Variants in HAUS7 observed in about 807,000 individuals in gnomAD.
The protein encoded by HAUS7 is HAUS augmin-like complex subunit 7.
A neutral mutation model predicts 28.4 loss-of-function variants in HAUS7; 3 were observed. The ratio of observed to expected loss-of-function variants is 0.11; its 90% CI spans 0.05 to 0.27. The LOEUF is 0.27. HAUS7 is among the 10% of genes least tolerant of loss of function. The pLI is 1.00. For synonymous variants in HAUS7, 165 were observed against 132.1 expected (o/e 1.25, Z -1.71); for missense variants, 284 against 297.3 (o/e 0.96, Z 0.33).
chrX:153,455,579 A>G lies in HAUS7; in HGVS notation c.893T>C (p.Ile298Thr). The change falls in exon 8 of 10, where the codon ATC becomes ACC. Residue 298 changes from isoleucine (I) to threonine (T), a missense_variant. Physicochemically the swap from Ile to Thr is moderately conservative, Grantham distance 89. Transcript: ENST00000370211. Reference sequence around the variant, plus strand: ...AGTCAGATTCTGGTGCGTGGCCTGGATGATGGGGCCGCACGGGTGGAGGTC... The same window carrying G: ...AGTCAGATTCTGGTGCGTGGCCTGGGTGATGGGGCCGCACGGGTGGAGGTC... ...GPDLHPCGPI[I>T]QATHQNLTSY... is the part of the protein sequence containing the mutation. 5 of 1,208,505 alleles carry G rather than the reference A, an allele frequency of 4.1e-6. No individual in the cohort carries two copies. The highest frequency in any genetic ancestry group is 5.6e-6 in the Non-Finnish European group (5 of 892,826).
At chrX:153,457,006 A>G (rs2089321632) in intron 5 of HAUS7, 131 bp downstream of exon 5, 8 of 500,486 alleles carry the variant, frequency 1.6e-5, no homozygotes, top group Non-Finnish European at 2.4e-5. Flanking sequence ...TTGGCCAGCC[A>G]GATCCCCAAG....
intron 4 of HAUS7, among the ~76,000 whole-genome samples, chrX:153,460,069 C>G (rs1312070868): frequency 8.9e-6 from 1 of 112,606 alleles, no homozygotes; most frequent in African/African-American, 3.2e-5. Flanking sequence ...CAATGGAATT[C>G]TCCAATTCCT....
At chrX:153,488,150 C>T (rs979438175) in intron 1 of HAUS7, among the ~76,000 whole-genome samples, 2 of 113,136 alleles carry the variant, frequency 1.8e-5, no homozygotes, top group African/African-American at 6.4e-5. Context: ...CGCATGGCTC[C>T]GTCCCTGTCC....
chrX:153,450,697 C>A (rs1460903128), intron 9 of HAUS7, among the ~76,000 whole-genome samples: 1 of 112,747 alleles, frequency 8.9e-6, no homozygotes, highest in African/African-American at 3.2e-5. Flanking sequence ...GCCCTCCCAA[C>A]TCACATGAGG....
At chrX:153,480,276 G>A (rs1454787098) in intron 1 of HAUS7, among the ~76,000 whole-genome samples, 1 of 110,688 alleles carries the variant, frequency 9.0e-6, no homozygotes, top group African/African-American at 3.3e-5. Context: ...TCCAACCCCT[G>A]GGCCTAACCT....
At position 153,447,782 on chromosome X, in the gene HAUS7, T is replaced by C. The variant is rs782488488; in HGVS notation, c.*96A>G. 1 of 730,026 alleles carries C rather than the reference T, an allele frequency of 1.4e-6. No homozygotes were observed. Among genetic ancestry groups the C allele is most frequent in the Admixed American group, 2.2e-5 (1 of 45,466 alleles). The allele number at this position is 730,026 out of a possible 1,213,427, so 60.2% of individuals were successfully genotyped here. On this transcript the variant is annotated 3_prime_UTR_variant, in exon 10 of 10. Coordinates refer to ENST00000370211, the MANE Select transcript of HAUS7 (RefSeq NM_001385482.1). ...AACGTGGGGCTGCAACGGCTTCTGC[T>C]GCCACAATCATCCATCCTCGGCCAA...
intron 1 of HAUS7, among the ~76,000 whole-genome samples, chrX:153,480,092 G>A (rs1373801745): frequency 8.9e-6 from 1 of 112,029 alleles, no homozygotes; most frequent in Non-Finnish European, 1.9e-5. Flanking sequence ...TAGGAAGCAC[G>A]TGTGAAGTCC....
Position 153,457,171 on chromosome X carries a change from G to A in HAUS7, c.412C>T (p.Arg138Trp), listed in dbSNP as rs1490168215. Residue 138 changes from arginine (R) to tryptophan (W), a missense_variant, in exon 5 of 10, where the codon CGG becomes TGG. Physicochemically the swap from Arg to Trp is moderately radical, Grantham distance 101. Transcript: ENST00000370211. The part of the protein sequence containing the change: ...HFMDQLLDTI[R>W]SLTIGCSSCS... ...CTGGAGCACCCAATGGTCAGGCTCC[G>A]GATGGTATCGAGCAACTGGTCCATG... The A allele has an allele frequency of 1.7e-5, 20 of 1,202,674 alleles. No individual in the cohort carries two copies. Among genetic ancestry groups the A allele is most frequent in the Middle Eastern group, 2.3e-4 (1 of 4,337 alleles).
intron 1 of HAUS7, among the ~76,000 whole-genome samples, chrX:153,490,747 G>T (rs1282022705): frequency 1.8e-5 from 2 of 112,796 alleles, no homozygotes; most frequent in African/African-American, 6.4e-5. Flanking sequence ...GTCCCTGGAT[G>T]GGAATTTGCC....
chrX:153,470,477 C>T lies in HAUS7; in HGVS notation c.81G>A (p.Ala27=). ...EDEGDSSVSR[A]AVEVFGKLKD... Reference sequence around the variant, plus strand: ...TCAGCTTCCCGAACACCTCCACAGCCGCCCTGGACACGCTGCTGTCGCCCT... The same window carrying T: ...TCAGCTTCCCGAACACCTCCACAGCTGCCCTGGACACGCTGCTGTCGCCCT... The change falls in exon 1 of 10, where the codon GCG becomes GCA. Residue 27 remains alanine, a synonymous_variant. Transcript: ENST00000370211. 6.6e-6 allele frequency: 8 copies of T among 1,208,770 alleles called. No individual in the cohort carries two copies. Among genetic ancestry groups the T allele is most frequent in the Non-Finnish European group, 8.9e-6 (8 of 893,871 alleles).
intron 1 of HAUS7, among the ~76,000 whole-genome samples, chrX:153,489,059 G>A (rs781993071): frequency 1.8e-5 from 2 of 112,749 alleles, no homozygotes; most frequent in Admixed American, 9.3e-5. Flanking sequence ...GGCTGCAGCC[G>A]ACCCCACAGG....
chrX:153,488,990 G>A (rs1212423961), intron 1 of HAUS7, among the ~76,000 whole-genome samples: 1 of 112,632 alleles, frequency 8.9e-6, no homozygotes, highest in Non-Finnish European at 1.9e-5. Context: ...CAGGGGACTC[G>A]CACTTGGGAA....
At chrX:153,483,475 T>A in intron 1 of HAUS7, 1 of 754,692 alleles carries the variant, frequency 1.3e-6, no homozygotes, top group Non-Finnish European at 1.6e-6. Flanking sequence ...TTCGCCCCAA[T>A]GGGCATTCGG....
At chrX:153,464,858 T>C in intron 3 of HAUS7, 130 bp downstream of exon 3, 1 of 510,368 alleles carries the variant, frequency 2.0e-6, no homozygotes, top group South Asian at 3.0e-5. Flanking sequence ...AAGGGTGGGG[T>C]TCAAGAAGGC....
At chrX:153,471,024 C>A, upstream of HAUS7, 1 of 330,996 alleles carries the variant, frequency 3.0e-6, no homozygotes, top group Non-Finnish European at 5.9e-6. Context: ...CCTGGGCCAC[C>A]ACCACTAAGG....
At position 153,455,511 on chromosome X, in the gene HAUS7, C is replaced by T. The variant is rs782298923; in HGVS notation, c.930+31G>A. 1.2e-4 allele frequency: 110 copies of T among 928,340 alleles called. 1 individual carries two copies. Among genetic ancestry groups the T allele is most frequent in the East Asian group, 3.1e-5 (1 of 32,366 alleles). The allele number at this position is 928,340 out of a possible 1,213,427, so 76.5% of individuals were successfully genotyped here. Reference sequence around the variant, plus strand: ...CAGTCTGAGTGAACAGGGGAGGGGGCGGTTAGAGGGGAGGGGAAGGGCACC... The same window carrying T: ...CAGTCTGAGTGAACAGGGGAGGGGGTGGTTAGAGGGGAGGGGAAGGGCACC... On this transcript the variant is annotated intron_variant, in intron 8 of 9. Transcript: ENST00000370211.
chrX:153,480,394 G>C (rs1426107181), intron 1 of HAUS7, among the ~76,000 whole-genome samples: 3 of 111,445 alleles, frequency 2.7e-5, no homozygotes, highest in African/African-American at 9.8e-5. Context: ...ACTGGCCCCA[G>C]GGGCTGGTGG....
At chrX:153,479,086 C>T (rs1350925682) in intron 1 of HAUS7, among the ~76,000 whole-genome samples, 4 of 104,983 alleles carry the variant, frequency 3.8e-5, no homozygotes, top group Non-Finnish European at 7.8e-5. Context: ...TCGGGGGAGG[C>T]GTTTGCTCGA....
chrX:153,486,129 G>T, intron 1 of HAUS7: 1 of 885,903 alleles, frequency 1.1e-6, no homozygotes, highest in Non-Finnish European at 1.4e-6. Flanking sequence ...CACACCTGTG[G>T]CCGTCTCCAC....
Sources: gnomAD v4.1 joint callset for allele counts (sites outside exome capture counted in the v4.1 genomes callset) on GRCh38, gnomAD v4.1.1 for gene constraint, MANE v1.5 for transcripts, NCBI Gene and HGNC (gene_info 2026-07-23, HGNC 2026-07-21) for gene names.